Variants in COL5A2 observed in about 807,000 individuals in gnomAD.
COL5A2 encodes collagen type V alpha 2 chain.
A neutral mutation model predicts 208.2 loss-of-function variants in COL5A2; 23 were observed. The ratio of observed to expected loss-of-function variants is 0.11; its 90% CI spans 0.08 to 0.16. The LOEUF is 0.16. COL5A2 is among the 10% of genes least tolerant of loss of function. The pLI, the probability that COL5A2 is intolerant of heterozygous loss-of-function variation, is 1.00. For missense variants in COL5A2, 1,590 were observed against 1,956.4 expected (o/e 0.81, Z 3.53); for synonymous variants, 625 against 628.5 (o/e 0.99, Z 0.08).
At chr2:189,152,085 G>T (rs1301199865) in intron 1 of COL5A2, among the ~76,000 whole-genome samples, 1 of 152,124 alleles carries the variant, frequency 6.6e-6, no homozygotes, top group Non-Finnish European at 1.5e-5. Flanking sequence ...AACTAGGAAG[G>T]GAGCCATCTA....
At chr2:189,438,902 C>T in the COL5A2 span, among the ~76,000 whole-genome samples, 1 of 152,132 alleles carries the variant, frequency 6.6e-6, no homozygotes, top group Non-Finnish European at 1.5e-5. Flanking sequence ...CTAGGAGACC[C>T]TATGAACTGG....
chr2:189,043,337 T>C, intron 47 of COL5A2, 79 bp from the exon 48 acceptor site: 2 of 964,626 alleles, frequency 2.1e-6, no homozygotes, highest in Non-Finnish European at 3.2e-6. Flanking sequence ...TTTTACTTTT[T>C]ATAATTGTAT....
the COL5A2 span, among the ~76,000 whole-genome samples, chr2:189,305,459 C>T: frequency 1.3e-5 from 2 of 152,204 alleles, no homozygotes; most frequent in African/African-American, 4.8e-5. Context: ...GCCCTTCTGC[C>T]TTTCACCATG....
At chr2:189,415,516 C>G in the COL5A2 span, among the ~76,000 whole-genome samples, 22 of 152,204 alleles carry the variant, frequency 1.4e-4, no homozygotes, top group African/African-American at 5.1e-4. Flanking sequence ...AATTCTGCCT[C>G]TCTACATTTT....
At chr2:189,191,868 T>C (rs1688936306) in intron 1 of COL5A2, among the ~76,000 whole-genome samples, 1 of 151,870 alleles carries the variant, frequency 6.6e-6, no homozygotes, top group South Asian at 2.1e-4. Context: ...ACATCAATAA[T>C]ATCCCCACAT....
intron 1 of COL5A2, among the ~76,000 whole-genome samples, chr2:189,156,458 T>C (rs1688249490): frequency 6.6e-6 from 1 of 152,210 alleles, no homozygotes; most frequent in Non-Finnish European, 1.5e-5. Context: ...CTTTTTAATA[T>C]ATTACTTTTT....
At chr2:189,437,064 T>C in the COL5A2 span, among the ~76,000 whole-genome samples, 6 of 152,136 alleles carry the variant, frequency 3.9e-5, no homozygotes, top group Non-Finnish European at 7.4e-5. Context: ...AGATAGTCTT[T>C]GAAGCAGACA....
chr2:189,213,635 C>T (rs1689243222), intron 1 of COL5A2, among the ~76,000 whole-genome samples: 2 of 152,074 alleles, frequency 1.3e-5, no homozygotes, highest in African/African-American at 4.8e-5. Context: ...TCAAATTAAC[C>T]GAAAGGGAGG....
At chr2:189,435,998 TA>T in the COL5A2 span, among the ~76,000 whole-genome samples, 1 of 151,980 alleles carries the variant, frequency 6.6e-6, no homozygotes. Flanking sequence ...TATGCAGCCA[TA>T]AAAAAGGATG....
chr2:189,049,204 A>G, intron 44 of COL5A2, 143 bp downstream of exon 44: 3 of 691,306 alleles, frequency 4.3e-6, no homozygotes, highest in Middle Eastern at 7.6e-4. Flanking sequence ...TCTCTAGGGA[A>G]GTAGAGTACA....
chr2:189,254,620 G>C, the COL5A2 span, among the ~76,000 whole-genome samples: 4 of 152,182 alleles, frequency 2.6e-5, no homozygotes, highest in African/African-American at 9.7e-5. Flanking sequence ...CCCTGCCTGG[G>C]CCCCTGGCAG....
At chr2:189,047,283 A>C (rs1685690587) in intron 45 of COL5A2, among the ~76,000 whole-genome samples, 1 of 152,206 alleles carries the variant, frequency 6.6e-6, no homozygotes. Context: ...AAACCTTTGA[A>C]GATGGTTGCA....
chr2:189,303,724 A>G, the COL5A2 span, among the ~76,000 whole-genome samples: 1 of 152,186 alleles, frequency 6.6e-6, no homozygotes, highest in East Asian at 1.9e-4. Flanking sequence ...AGACTGCTGA[A>G]TGTTCAAACT....
At chr2:189,234,673 G>A in the COL5A2 span, among the ~76,000 whole-genome samples, 7 of 151,878 alleles carry the variant, frequency 4.6e-5, 1 homozygote, top group South Asian at 4.1e-4. Context: ...CTAGAATCAT[G>A]TAAACATCTA....
intron 1 of COL5A2, among the ~76,000 whole-genome samples, chr2:189,205,499 C>T (rs887208869): frequency 4.6e-5 from 7 of 152,160 alleles, no homozygotes; most frequent in African/African-American, 1.7e-4. Flanking sequence ...AATAATGGAA[C>T]TGAATGCTGA....
rs572532955 is a variant in COL5A2, at chr2:189,108,355, T to C, written c.322+1870A>G. Among the ~76,000 whole-genome samples, 12 of 151,974 alleles carry C rather than the reference T, an allele frequency of 7.9e-5. No individual in the cohort carries two copies. The East Asian group carries it at 2.3e-3, about 29-fold the overall frequency. On this transcript the variant is annotated intron_variant, in intron 2 of 53. Coordinates refer to ENST00000374866, the MANE Select transcript of COL5A2 (RefSeq NM_000393.5). Reference sequence around the variant, plus strand: ...AAATGCTTTTACTGTAGCTTTTATATTTGAAGGAGAGAATGGATTTATATT... The same window carrying C: ...AAATGCTTTTACTGTAGCTTTTATACTTGAAGGAGAGAATGGATTTATATT...
At chr2:189,044,771 A>C (rs1685628079) in intron 47 of COL5A2, among the ~76,000 whole-genome samples, 1 of 152,186 alleles carries the variant, frequency 6.6e-6, no homozygotes, top group Non-Finnish European at 1.5e-5. Flanking sequence ...AATAGCACAA[A>C]GATCAGAACA....
intron 1 of COL5A2, among the ~76,000 whole-genome samples, chr2:189,174,311 T>C (rs557821271): frequency 6.6e-6 from 1 of 152,326 alleles, no homozygotes; most frequent in African/African-American, 2.4e-5. Context: ...TGGAAACACA[T>C]GCAAATGGCA....
At chr2:189,148,357 A>C (rs1688080263) in intron 1 of COL5A2, among the ~76,000 whole-genome samples, 1 of 152,116 alleles carries the variant, frequency 6.6e-6, no homozygotes, top group Admixed American at 6.5e-5. Context: ...GACACATGTA[A>C]GAAAAGACAC....
Sources: gnomAD v4.1 joint callset for allele counts (sites outside exome capture counted in the v4.1 genomes callset) on GRCh38, gnomAD v4.1.1 for gene constraint, MANE v1.5 for transcripts, NCBI Gene and HGNC (gene_info 2026-07-23, HGNC 2026-07-21) for gene names.